The following OSBPL10 variants were observed in gnomAD, a reference collection of about 807,000 sequenced individuals.
OSBPL10 encodes the protein oxysterol binding protein like 10.
Under a neutral mutation model 81.7 loss-of-function variants are expected in OSBPL10, and 49 were observed. The observed-to-expected ratio is 0.60, with a 90% CI of 0.48 to 0.76. The LOEUF (loss-of-function observed/expected upper bound fraction) is 0.76, where lower values mean the gene tolerates loss of function less well. Ranked by LOEUF, OSBPL10 falls within the 30% of genes least tolerant of loss-of-function variation. The pLI, the probability that OSBPL10 is intolerant of heterozygous loss-of-function variation, is 0.00. For synonymous variants in OSBPL10, 419 were observed against 383.6 expected (o/e 1.09, Z -1.08); for missense variants, 923 against 987.8 (o/e 0.93, Z 0.88).
chr3:31,846,520 G>GGAGGCT lies in OSBPL10; in HGVS notation c.538-16295_538-16290dup, dbSNP rs999899600. ...GGGCGCCTATAATCCCAGCTACTTG[G>GGAGGCT]GAGGCTGAGGCTGAGGCTGAGGAAT... On this transcript the variant is annotated intron_variant, in intron 3 of 11. Coordinates refer to ENST00000396556, the MANE Select transcript of OSBPL10 (RefSeq NM_017784.5). Among the ~76,000 whole-genome samples the GGAGGCT allele has an allele frequency of 3.9e-5, 6 of 152,130 alleles. No homozygotes were observed. The East Asian group carries it at 9.7e-4, about 25-fold the overall frequency.
At chr3:31,860,517 C>T (rs1356627738) in intron 3 of OSBPL10, among the ~76,000 whole-genome samples, 4 of 152,124 alleles carry the variant, frequency 2.6e-5, no homozygotes, top group South Asian at 4.1e-4. Context: ...GGGGACTGAA[C>T]GACCAAGGAG....
chr3:31,738,751 A>G (rs6765222), intron 5 of OSBPL10, among the ~76,000 whole-genome samples: 87,530 of 152,018 alleles, frequency 0.58, 27,546 homozygotes, highest in African/African-American at 0.83. Context: ...GAGCTCCACA[A>G]CCCAGACTCC....
chr3:31,910,046 A>G (rs1400320958), intron 1 of OSBPL10, among the ~76,000 whole-genome samples: 1 of 148,142 alleles, frequency 6.8e-6, no homozygotes, highest in African/African-American at 2.5e-5. Context: ...CAGTGGCACA[A>G]TCTCGGCTCA....
intron 10 of OSBPL10, chr3:31,664,637 T>C (rs1457368315): frequency 4.7e-6 from 1 of 213,656 alleles, no homozygotes. Flanking sequence ...CGGTAGATTC[T>C]TATCTCCATT....
chr3:31,817,369 G>A lies in OSBPL10; in HGVS notation c.729+12671C>T, dbSNP rs114994857. 7.0e-3 allele frequency among the ~76,000 whole-genome samples: 1,066 copies of A among 152,334 alleles called. 7 individuals are homozygous for A. Among genetic ancestry groups the A allele is most frequent in the African/African-American group, 0.024 (997 of 41,590 alleles). The stretch of plus-strand genomic sequence containing the variant: ...GGAGAGAGGCCAGACAGCAGGAACA[G>A]ACATCCTCAAGCCAGTAAGGGTACA... On this transcript the variant is annotated intron_variant, in intron 4 of 11. Transcript: ENST00000396556.
intron 7 of OSBPL10, chr3:31,701,654 A>G (rs551496760): frequency 6.6e-6 from 1 of 152,250 alleles, no homozygotes; most frequent in Admixed American, 6.5e-5. Context: ...GCTTTCAGCT[A>G]CGTACAAAAT....
At chr3:31,913,164 C>G (rs1486783187) in intron 1 of OSBPL10, among the ~76,000 whole-genome samples, 3 of 151,894 alleles carry the variant, frequency 2.0e-5, no homozygotes, top group African/African-American at 7.3e-5. Context: ...TAATACCACC[C>G]CTGGAGACCC....
chr3:31,744,531 C>G (rs1697459534), intron 5 of OSBPL10, among the ~76,000 whole-genome samples: 1 of 31,602 alleles, frequency 3.2e-5, no homozygotes, highest in South Asian at 1.6e-3. Context: ...GAGCGAGACT[C>G]CGTCTCAAAA....
intron 4 of OSBPL10, among the ~76,000 whole-genome samples, chr3:31,825,727 A>C (rs796110055): frequency 6.6e-6 from 1 of 152,202 alleles, no homozygotes; most frequent in Non-Finnish European, 1.5e-5. Flanking sequence ...GATTATGACT[A>C]CTTTCAAAAT....
intron 1 of OSBPL10, among the ~76,000 whole-genome samples, chr3:31,929,446 G>C (rs1440361480): frequency 6.6e-6 from 1 of 152,132 alleles, no homozygotes; most frequent in Non-Finnish European, 1.5e-5. Context: ...ATTCATGATG[G>C]TTACAAAAAG....
chr3:31,787,714 C>T (rs1698895030), intron 4 of OSBPL10, among the ~76,000 whole-genome samples: 1 of 152,100 alleles, frequency 6.6e-6, no homozygotes, highest in African/African-American at 2.4e-5. Flanking sequence ...AAAGACAGAC[C>T]ACTCAGTCCT....
rs371611650 is a variant in OSBPL10, at chr3:31,688,834, G to A, written c.1246-4720C>T. Among the ~76,000 whole-genome samples the A allele has an allele frequency of 2.3e-3, 356 of 152,298 alleles. 2 individuals carry two copies. The highest frequency in any genetic ancestry group is 7.3e-3 in the South Asian group (35 of 4,820). ...GGGTGGTAAGGAACCAGAGCCTGAT[G>A]TATCAGAAGTGCACTCTAAATGTCT... On this transcript the variant is annotated intron_variant, in intron 7 of 11. Transcript: ENST00000396556.
At chr3:32,007,675 C>T (rs1242676888) in intron 2 of OSBPL10, among the ~76,000 whole-genome samples, 1 of 152,140 alleles carries the variant, frequency 6.6e-6, no homozygotes, top group African/African-American at 2.4e-5. Flanking sequence ...CACCCCCTCT[C>T]AATCATACAG....
chr3:31,800,368 G>C (rs776837587), intron 4 of OSBPL10, among the ~76,000 whole-genome samples: 80 of 152,324 alleles, frequency 5.3e-4, no homozygotes, highest in Admixed American at 2.0e-3. Context: ...ATCTCTGGGA[G>C]AACAGAGAAA....
Position 31,699,308 on chromosome 3 carries a change from T to A in OSBPL10, c.1245+3051A>T, listed in dbSNP as rs139279728. Among the ~76,000 whole-genome samples the A allele has an allele frequency of 3.7e-4, 56 of 152,268 alleles. No individual in the cohort carries two copies. The East Asian group carries it at 0.01, about 28-fold the overall frequency. ...GGCCCATAGGCTCTGCAGGACCTGA[T>A]CCTAACGTCCACTCCAGGTTCAATG... On this transcript the variant is annotated intron_variant, in intron 7 of 11. Coordinates refer to ENST00000396556, the MANE Select transcript of OSBPL10 (RefSeq NM_017784.5).
rs115554405 is a variant in OSBPL10, at chr3:31,925,893, G to T, written c.282-46063C>A. ...GCAAACCATAATGTAGAGTCCTTTA[G>T]CCTTAATTCACAATGACTTTTCTGT... On this transcript the variant is annotated intron_variant, in intron 1 of 11. Coordinates refer to ENST00000396556, the MANE Select transcript of OSBPL10 (RefSeq NM_017784.5). Among the ~76,000 whole-genome samples, 944 of 152,202 alleles carry T rather than the reference G, an allele frequency of 6.2e-3. 9 individuals are homozygous for T. Among genetic ancestry groups the T allele is most frequent in the Middle Eastern group, 0.017 (5 of 294 alleles).
intron 1 of OSBPL10, among the ~76,000 whole-genome samples, chr3:31,923,858 ATTC>A (rs1400406461): frequency 2.6e-5 from 4 of 152,206 alleles, no homozygotes; most frequent in South Asian, 2.1e-4. Context: ...AGCCAAAAAT[ATTC>A]TTAAGTACAC....
intron 1 of OSBPL10, among the ~76,000 whole-genome samples, chr3:32,050,425 A>G (rs1699660867): frequency 6.6e-6 from 1 of 152,168 alleles, no homozygotes. Context: ...TCCTCCATGA[A>G]CAACTTCTAA....
chr3:31,809,952 A>G (rs1275460543), intron 4 of OSBPL10, among the ~76,000 whole-genome samples: 1 of 143,418 alleles, frequency 7.0e-6, no homozygotes, highest in Non-Finnish European at 1.5e-5. Flanking sequence ...GTTCACCACA[A>G]CCTCTGCCTC....
Sources: gnomAD v4.1 joint callset for allele counts (sites outside exome capture counted in the v4.1 genomes callset) on GRCh38, gnomAD v4.1.1 for gene constraint, MANE v1.5 for transcripts, NCBI Gene and HGNC (gene_info 2026-07-23, HGNC 2026-07-21) for gene names.